Variants in MAP3K19 observed in about 807,000 individuals in gnomAD.
MAP3K19 encodes the protein mitogen-activated protein kinase kinase kinase 19.
MAP3K19 carries 91 observed loss-of-function variants against 114.4 expected under a neutral mutation model. The observed-to-expected ratio is 0.80, with a 90% CI of 0.67 to 0.95. The LOEUF (loss-of-function observed/expected upper bound fraction) is 0.95. Among genes scored for constraint, MAP3K19 ranks in the 40% least tolerant of loss-of-function variants. The probability of loss-of-function intolerance (pLI) is 0.00; values close to 1 mark genes in which losing one functional copy is unlikely to be tolerated. For synonymous variants in MAP3K19, 518 were observed against 530.5 expected (o/e 0.98, Z 0.32); for missense variants, 1,471 against 1,573.2 (o/e 0.94, Z 1.10).
chr2:134,999,785 GT>G lies in MAP3K19; in HGVS notation c.314+151del. 1.6e-6 allele frequency: 1 copy of G among 616,962 alleles called. No individual in the cohort carries two copies. Among genetic ancestry groups the G allele is most frequent in the Non-Finnish European group, 2.9e-6 (1 of 346,450 alleles). 38.2% of individuals were successfully genotyped at this position (616,962 alleles called of 1,614,324 possible). A position where few individuals can be genotyped will look rare whatever the true frequency, so the allele number is the denominator to read the frequency against. ...ACCATATGGCCCACACAGCCAAAGT[GT>G]TTATGATCTGGCCTCTGCCACATAC... On this transcript the variant is annotated intron_variant, in intron 7 of 12. Transcript: ENST00000392915. The surrounding 1 kb of genome is among the most constrained non-coding windows in gnomAD (Gnocchi z 4.1).
chr2:135,031,271 T>C lies in MAP3K19; in HGVS notation c.-283-771A>G, dbSNP rs182322583. Among the ~76,000 whole-genome samples the C allele has an allele frequency of 5.2e-4, 78 of 149,640 alleles. 1 individual carries two copies. Among genetic ancestry groups the C allele is most frequent in the Admixed American group, 1.6e-3 (24 of 15,028 alleles). ...AAATCTATTAAGATATCTTGGAGAG[T>C]CTGCGAAGACTTTTTGGAGAAAGTG... On this transcript the variant is annotated intron_variant, in intron 2 of 12. Coordinates refer to ENST00000392915, the MANE Select transcript of MAP3K19 (RefSeq NM_025052.5).
At chr2:134,973,645 G>GTTTT (rs1456435461) in intron 12 of MAP3K19, among the ~76,000 whole-genome samples, 3 of 150,584 alleles carry the variant, frequency 2.0e-5, no homozygotes, top group African/African-American at 7.3e-5. Flanking sequence ...TTTCTGGTTG[G>GTTTT]TTTGTTTGTT....
intron 4 of MAP3K19, 76 bp downstream of exon 4, chr2:135,024,550 C>T: frequency 3.8e-6 from 5 of 1,307,438 alleles, no homozygotes; most frequent in Non-Finnish European, 5.5e-6. Flanking sequence ...ATCCATCAAA[C>T]AGATGTAGAA....
intron 2 of MAP3K19, among the ~76,000 whole-genome samples, chr2:135,030,719 C>G (rs1278332038): frequency 6.6e-6 from 1 of 152,094 alleles, no homozygotes; most frequent in Non-Finnish European, 1.5e-5. Flanking sequence ...TATGTTAAAT[C>G]CACACAAAAC....
In MAP3K19 at chr2:134,983,708, C is replaced by T; in HGVS notation, c.3190G>A (p.Gly1064Ser). ...TAGGCTCCCTTTCCAAGAATCTCAC[C>T]CTTGGTCCATAGGATAGGTTCTTCA... The part of the protein sequence containing the change: ...KSEEPILWTK[G>S]EILGKGAYGT... Residue 1064 changes from glycine to serine, a missense_variant, in exon 11 of 13, where the codon GGT (glycine) becomes AGT (serine). Gly to Ser is a moderately conservative substitution (Grantham distance 56, BLOSUM62 0). Coordinates refer to ENST00000392915, the MANE Select transcript of MAP3K19 (RefSeq NM_025052.5). 6.3e-7 allele frequency: 1 copy of T among 1,585,970 alleles called. No individual in the cohort carries two copies. The highest frequency in any genetic ancestry group is 8.5e-7 in the Non-Finnish European group (1 of 1,171,384).
chr2:135,046,156 C>T (rs911970202), intron 1 of MAP3K19, among the ~76,000 whole-genome samples: 1 of 152,102 alleles, frequency 6.6e-6, no homozygotes, highest in African/African-American at 2.4e-5. Context: ...TAGTCACAAA[C>T]CCACAGTGCT....
At chr2:134,993,188 T>A (rs76166736) in intron 8 of MAP3K19, among the ~76,000 whole-genome samples, 1 of 152,300 alleles carries the variant, frequency 6.6e-6, no homozygotes, top group African/African-American at 2.4e-5. Flanking sequence ...TCCTCCCTTG[T>A]TTTTCAATGT....
chr2:135,022,544 T>C (rs1156486905), intron 4 of MAP3K19, among the ~76,000 whole-genome samples: 2 of 152,198 alleles, frequency 1.3e-5, no homozygotes, highest in Non-Finnish European at 2.9e-5. Flanking sequence ...GATACTGTAT[T>C]TTCTTTCTCT....
At chr2:134,974,130 T>C (rs1225036516) in intron 12 of MAP3K19, among the ~76,000 whole-genome samples, 6 of 152,052 alleles carry the variant, frequency 3.9e-5, no homozygotes, top group African/African-American at 4.8e-5. Context: ...GCCTCCAGAG[T>C]AGCTGGGATT....
chr2:135,033,384 T>C (rs1215482686), intron 2 of MAP3K19, among the ~76,000 whole-genome samples: 6 of 101,212 alleles, frequency 5.9e-5, no homozygotes, highest in African/African-American at 1.1e-4. Flanking sequence ...CCCCCCCCAC[T>C]GCCCTCCCGG....
intron 2 of MAP3K19, among the ~76,000 whole-genome samples, chr2:135,038,552 A>G (rs936107132): frequency 3.9e-5 from 6 of 152,020 alleles, no homozygotes; most frequent in Non-Finnish European, 5.9e-5. Flanking sequence ...GTGTTCCATT[A>G]GATAAAAATA....
chr2:134,971,364 T>C (rs1053065856), intron 12 of MAP3K19, among the ~76,000 whole-genome samples: 1 of 152,230 alleles, frequency 6.6e-6, no homozygotes, highest in African/African-American at 2.4e-5. Context: ...TCAAGGATAC[T>C]GGCCTATAGT....
intron 12 of MAP3K19, among the ~76,000 whole-genome samples, chr2:134,972,442 T>C (rs1683945385): frequency 6.6e-6 from 1 of 152,164 alleles, no homozygotes. Flanking sequence ...GTTTGTTCCC[T>C]TTTTCTTCTG....
At chr2:135,045,394 A>T (rs1284427324) in intron 1 of MAP3K19, among the ~76,000 whole-genome samples, 2 of 152,196 alleles carry the variant, frequency 1.3e-5, no homozygotes, top group Non-Finnish European at 2.9e-5. Context: ...TGTCCCAGTA[A>T]ATTGCTTTGT....
chr2:135,014,810 G>A (rs1432666421), intron 5 of MAP3K19, among the ~76,000 whole-genome samples: 19 of 151,946 alleles, frequency 1.3e-4, no homozygotes, highest in Admixed American at 1.2e-3. Context: ...TTTTATGTCT[G>A]GTTTCTTTTG....
At chr2:134,983,417 C>A in intron 11 of MAP3K19, 1 of 602,056 alleles carries the variant, frequency 1.7e-6, no homozygotes, top group Non-Finnish European at 3.1e-6. Context: ...AGAGAGAGAC[C>A]AGATCCTGAT....
At chr2:135,002,093 G>A (rs897229336) in intron 6 of MAP3K19, among the ~76,000 whole-genome samples, 1 of 152,190 alleles carries the variant, frequency 6.6e-6, no homozygotes, top group Admixed American at 6.5e-5. Flanking sequence ...CCAGGGAAGA[G>A]GATGCATTGT....
intron 10 of MAP3K19, 98 bp from the exon 11 acceptor site, chr2:134,983,923 T>G: frequency 2.5e-6 from 2 of 798,932 alleles, no homozygotes; most frequent in Non-Finnish European, 3.9e-6. Context: ...AATGTTCCTG[T>G]CTGTGGCCAC....
intron 5 of MAP3K19, among the ~76,000 whole-genome samples, chr2:135,011,342 C>A (rs1264479052): frequency 3.3e-5 from 5 of 150,886 alleles, no homozygotes; most frequent in African/African-American, 9.7e-5. Context: ...TCGAGACCAT[C>A]CTGGCTAACA....
Sources: gnomAD v4.1 joint callset for allele counts (sites outside exome capture counted in the v4.1 genomes callset) on GRCh38, gnomAD v4.1.1 for gene constraint, Gnocchi (gnomAD v3.1) non-coding constraint, MANE v1.5 for transcripts, NCBI Gene and HGNC (gene_info 2026-07-23, HGNC 2026-07-21) for gene names.